Variants in AFMID observed in about 807,000 individuals in gnomAD.
The protein encoded by AFMID is kynurenine formamidase.
A neutral mutation model predicts 47.5 loss-of-function variants in AFMID; 39 were observed. That is an observed-to-expected ratio of 0.82 (90% CI 0.64 to 1.07). The LOEUF (loss-of-function observed/expected upper bound fraction) is 1.07. Ranked by LOEUF, AFMID falls within the 50% of genes least tolerant of loss-of-function variation. AFMID has a pLI of 0.00. For synonymous variants in AFMID, 130 were observed against 153.2 expected (o/e 0.85, Z 1.12); for missense variants, 375 against 387.5 (o/e 0.97, Z 0.27).
chr17:78,197,432 T>G, intron 2 of AFMID: 1 of 482,040 alleles, frequency 2.1e-6, no homozygotes, highest in East Asian at 3.6e-5. Context: ...ACAGCCCAGA[T>G]GGCTTTCAGC....
chr17:78,207,173 A>G lies in AFMID; in HGVS notation c.*236A>G, dbSNP rs945108405. On this transcript the variant is annotated 3_prime_UTR_variant, in exon 11 of 11. Coordinates refer to ENST00000409257, the MANE Select transcript of AFMID (RefSeq NM_001010982.5). The stretch of plus-strand genomic sequence containing the variant: ...AGGGCTGGGGAACGTCCGCAAGTCA[A>G]TGCTCAGAGATGCCCGGAGCTGCCT... The G allele has an allele frequency of 6.9e-6, 4 of 577,828 alleles. No homozygotes were observed. Among genetic ancestry groups the G allele is most frequent in the Middle Eastern group, 4.6e-4 (1 of 2,182 alleles). 35.8% of individuals were successfully genotyped at this position (577,828 alleles called of 1,614,324 possible).
intron 2 of AFMID, among the ~76,000 whole-genome samples, chr17:78,199,764 C>G (rs1044972975): frequency 6.6e-6 from 1 of 152,174 alleles, no homozygotes; most frequent in African/African-American, 2.4e-5. Context: ...CGTTAATACA[C>G]GGAGCCCTTT....
intron 1 of AFMID, among the ~76,000 whole-genome samples, chr17:78,188,732 G>A (rs2075874988): frequency 6.6e-6 from 1 of 152,166 alleles, no homozygotes; most frequent in Admixed American, 6.5e-5. Flanking sequence ...GAGTAGCTGG[G>A]ACTACATGCG....
intron 1 of AFMID, among the ~76,000 whole-genome samples, chr17:78,187,868 C>A (rs1373331996): frequency 6.8e-6 from 1 of 147,244 alleles, no homozygotes; most frequent in Non-Finnish European, 1.5e-5. Flanking sequence ...AGGAGAATCG[C>A]TTGAACCCAG....
chr17:78,199,240 G>A (rs921869029), intron 2 of AFMID, among the ~76,000 whole-genome samples: 1 of 152,212 alleles, frequency 6.6e-6, no homozygotes, highest in African/African-American at 2.4e-5. Flanking sequence ...GAGACAGCCC[G>A]GTTTATGGTT....
intron 1 of AFMID, among the ~76,000 whole-genome samples, chr17:78,187,827 C>T (rs2075838398): frequency 6.6e-6 from 1 of 151,938 alleles, no homozygotes; most frequent in African/African-American, 2.4e-5. Flanking sequence ...TGATGTACCT[C>T]TGTAATCCCA....
chr17:78,206,532 G>A (rs1354629510), intron 10 of AFMID, among the ~76,000 whole-genome samples: 4 of 151,548 alleles, frequency 2.6e-5, no homozygotes, highest in Non-Finnish European at 5.9e-5. Flanking sequence ...CCAGCCTCTC[G>A]AGTAGCTGGG....
At chr17:78,188,169 A>G (rs778855633) in intron 1 of AFMID, among the ~76,000 whole-genome samples, 2 of 151,140 alleles carry the variant, frequency 1.3e-5, no homozygotes, top group Non-Finnish European at 2.9e-5. Context: ...AAAAAAAAAG[A>G]AAGAAAGAAA....
At chr17:78,197,056 TG>T in intron 2 of AFMID, 1 of 1,085,930 alleles carries the variant, frequency 9.2e-7, no homozygotes, top group South Asian at 1.3e-5. Context: ...CACCTATAGC[TG>T]CTTGGTTTTA....
chr17:78,196,755 G>A (rs8067407), intron 2 of AFMID, among the ~76,000 whole-genome samples: 14,211 of 152,122 alleles, frequency 0.093, 1,333 homozygotes, highest in African/African-American at 0.23. Flanking sequence ...TTTTACACGC[G>A]TGTTCGTAGC....
chr17:78,205,580 C>T, intron 8 of AFMID, 23 bp from the exon 9 acceptor site: 1 of 1,613,950 alleles, frequency 6.2e-7, no homozygotes, highest in Non-Finnish European at 8.5e-7. Context: ...TCTGTCCTGA[C>T]CCCTGTCCAC....
At position 78,204,747 on chromosome 17, in the gene AFMID, AG is replaced by A. The variant is rs757288170; in HGVS notation, c.394+8del. The A allele has an allele frequency of 2.3e-5, 37 of 1,614,044 alleles. No individual in the cohort carries two copies. The highest frequency in any genetic ancestry group is 5.9e-6 in the Non-Finnish European group (7 of 1,180,018). Reference sequence around the variant, plus strand: ...TTACGGCATCGCCCCCAAAGGTAATAGGAGTGGTTGCTGCAGGTCCGAGGGC... The same window carrying A: ...TTACGGCATCGCCCCCAAAGGTAATAGAGTGGTTGCTGCAGGTCCGAGGGC... On this transcript the variant is annotated splice_region_variant and intron_variant, in intron 5 of 10. Transcript: ENST00000409257.
chr17:78,195,002 TA>T (rs2076074468), intron 2 of AFMID, among the ~76,000 whole-genome samples: 1 of 151,986 alleles, frequency 6.6e-6, no homozygotes, highest in African/African-American at 2.4e-5. Context: ...CCCAAAAAAA[TA>T]CATTTTACAG....
intron 2 of AFMID, chr17:78,192,602 C>A (rs1426486053): frequency 4.3e-6 from 2 of 470,548 alleles, no homozygotes; most frequent in Admixed American, 4.7e-5. Flanking sequence ...GTATGAGCCA[C>A]CGTGCCTGGA....
rs1488576154 is a variant in AFMID at position 78,205,603 on chromosome 17, G to A, written c.645G>A (p.Leu215=). 1.2e-6 allele frequency: 2 copies of A among 1,613,792 alleles called. No homozygotes were observed. The highest frequency in any genetic ancestry group is 8.5e-7 in the Non-Finnish European group (1 of 1,179,818). Residue 215 remains leucine (L), a splice_region_variant and synonymous_variant, in exon 9 of 11, where the codon CTG becomes CTA. Coordinates refer to ENST00000409257, the MANE Select transcript of AFMID (RefSeq NM_001010982.5). ...GACCCCTGTCCACTCCCCACCCCAG[G>A]GAGGACGCTCAGAGGAATAGCCCCC... ...TSQNVALQLT[L]EDAQRNSPQL...
At chr17:78,199,036 T>C (rs1460329957) in intron 2 of AFMID, among the ~76,000 whole-genome samples, 2 of 152,252 alleles carry the variant, frequency 1.3e-5, no homozygotes, top group African/African-American at 2.4e-5. Flanking sequence ...TTTCCTCATC[T>C]GTACGTAGAT....
intron 4 of AFMID, 96 bp from the exon 5 acceptor site, chr17:78,204,560 C>T (rs1316167030): frequency 1.3e-5 from 15 of 1,171,794 alleles, no homozygotes; most frequent in East Asian, 9.6e-5. Flanking sequence ...TGATGCTGTG[C>T]GTGGACAGGA....
intron 9 of AFMID, 49 bp downstream of exon 9, chr17:78,205,787 C>G (rs1045782581): frequency 3.7e-6 from 6 of 1,602,186 alleles, no homozygotes; most frequent in Non-Finnish European, 5.1e-6. Flanking sequence ...CATGTGGGCT[C>G]ATTATTTTCC....
intron 2 of AFMID, among the ~76,000 whole-genome samples, chr17:78,199,239 C>T (rs1394892087): frequency 6.6e-6 from 1 of 152,180 alleles, no homozygotes; most frequent in Non-Finnish European, 1.5e-5. Flanking sequence ...GGAGACAGCC[C>T]GGTTTATGGT....
Sources: allele counts gnomAD v4.1 joint callset (sites outside exome capture counted in the v4.1 genomes callset), GRCh38; gene constraint gnomAD v4.1.1; transcripts MANE v1.5; gene names NCBI Gene and HGNC (gene_info 2026-07-23, HGNC 2026-07-21).